PCDHGA12: variants seen among roughly 807,000 people sequenced by gnomAD.
PCDHGA12 encodes the protein protocadherin gamma-A12.
PCDHGA12 carries 43 observed loss-of-function variants against 61.1 expected under a neutral mutation model. The observed-to-expected ratio is 0.70, with a 90% CI of 0.55 to 0.91. The LOEUF (loss-of-function observed/expected upper bound fraction) is 0.91. PCDHGA12 is among the 40% of genes least tolerant of loss of function. The pLI is 0.00. For missense variants in PCDHGA12, 1,236 were observed against 1,227.7 expected (o/e 1.01, Z -0.10); for synonymous variants, 520 against 542.9 (o/e 0.96, Z 0.59).
intron 1 of PCDHGA12, among the ~76,000 whole-genome samples, chr5:141,454,859 G>A (rs2098805080): frequency 7.9e-6 from 1 of 126,982 alleles, no homozygotes; most frequent in African/African-American, 3.1e-5. Flanking sequence ...CCAGGCTGGA[G>A]TGCAGTGGCA....
At position 141,511,124 on chromosome 5, in the gene PCDHGA12, C is replaced by A. The variant is rs752246201; in HGVS notation, c.2750C>A (p.Ala917Glu). The A allele has an allele frequency of 6.2e-7, 1 of 1,614,206 alleles. No homozygotes were observed. The highest frequency in any genetic ancestry group is 8.5e-7 in the Non-Finnish European group (1 of 1,180,022). ...AAGKRDGKAP[A>E]GGNGNKKKSG... The stretch of plus-strand genomic sequence containing the variant: ...GGCAAGCGGGATGGCAAGGCCCCAG[C>A]AGGTGGCAATGGCAACAAGAAGAAG... Residue 917 changes from alanine (A) to glutamate (E), a missense_variant, in exon 4 of 4, where the codon GCA becomes GAA. Coordinates refer to ENST00000252085, the MANE Select transcript of PCDHGA12 (RefSeq NM_003735.3).
intron 1 of PCDHGA12, among the ~76,000 whole-genome samples, chr5:141,450,829 A>AT (rs373424450): frequency 7.2e-4 from 97 of 135,128 alleles, no homozygotes; most frequent in East Asian, 1.8e-3. Flanking sequence ...TATTATTATT[A>AT]TTTTTTTTTT....
chr5:141,449,425 G>T (rs1206395356), intron 1 of PCDHGA12, among the ~76,000 whole-genome samples: 2 of 151,688 alleles, frequency 1.3e-5, no homozygotes, highest in Non-Finnish European at 2.9e-5. Context: ...TGGCCAACAT[G>T]ATAAAACTCC....
Position 141,491,190 on chromosome 5 carries a change from C to A in PCDHGA12, c.2425-3617C>A, listed in dbSNP as rs759736855. On this transcript the variant is annotated intron_variant, in intron 1 of 3. Transcript: ENST00000252085. The surrounding 1 kb of genome is among the most constrained non-coding windows in gnomAD (Gnocchi z 6.9). ...AGCAGGTGGTGGTCCTGGTGAGGGA[C>A]AATGGTGACCCTTCACTCTCCTCCA... 1 of 1,614,192 alleles carries A rather than the reference C, an allele frequency of 6.2e-7. No homozygotes were observed. The highest frequency in any genetic ancestry group is 1.1e-5 in the South Asian group (1 of 91,082).
chr5:141,486,474 C>G lies in PCDHGA12; in HGVS notation c.2425-8333C>G. ...ACTGCTTCTGATGCTGGGAACCCTC[C>G]TCTCAGTACCCACAGAACTATTTTC... On this transcript the variant is annotated intron_variant, in intron 1 of 3. Transcript: ENST00000252085. The surrounding 1 kb of genome is among the most constrained non-coding windows in gnomAD (Gnocchi z 5.0). The G allele has an allele frequency of 6.2e-7, 1 of 1,614,016 alleles. No individual in the cohort carries two copies. Among genetic ancestry groups the G allele is most frequent in the Non-Finnish European group, 8.5e-7 (1 of 1,179,822 alleles).
In PCDHGA12 at chr5:141,431,465, AACG is replaced by A; in HGVS notation, c.709_711del (p.Asp237del). 1.9e-6 allele frequency: 3 copies of A among 1,613,790 alleles called. No homozygotes were observed. The highest frequency in any genetic ancestry group is 2.5e-6 in the Non-Finnish European group (3 of 1,179,970). ...CATCCGCGTGATGGTTCTGGATGCGAACGACAACGCACCAGCGTTTGCTCAGCC... is the reference window on the plus strand; with the variant it reads ...CATCCGCGTGATGGTTCTGGATGCGAACAACGCACCAGCGTTTGCTCAGCC... On this transcript the variant is annotated inframe_deletion, in exon 1 of 4. Transcript: ENST00000252085. The surrounding 1 kb of genome is among the most constrained non-coding windows in gnomAD (Gnocchi z 4.8).
At position 141,487,636 on chromosome 5, in the gene PCDHGA12, A is replaced by G. The variant is rs780468230; in HGVS notation, c.2425-7171A>G. 3 of 1,614,192 alleles carry G rather than the reference A, an allele frequency of 1.9e-6. No homozygotes were observed. Among genetic ancestry groups the G allele is most frequent in the Non-Finnish European group, 1.7e-6 (2 of 1,180,030 alleles). Reference sequence around the variant, plus strand: ...TAGAGGTGAGACCTTTGCAGGCTCAACAAATGCTTGAGGGTTATTCTGATC... The same window carrying G: ...TAGAGGTGAGACCTTTGCAGGCTCAGCAAATGCTTGAGGGTTATTCTGATC... On this transcript the variant is annotated intron_variant, in intron 1 of 3. Transcript: ENST00000252085. This position sits in a 1 kb window ranked among gnomAD's most constrained non-coding sequence, Gnocchi z 5.0.
chr5:141,463,590 A>G (rs975534405), intron 1 of PCDHGA12, among the ~76,000 whole-genome samples: 3 of 151,848 alleles, frequency 2.0e-5, no homozygotes, highest in African/African-American at 7.3e-5. Flanking sequence ...CTGGGACTAC[A>G]GGTGCCTGCC....
intron 1 of PCDHGA12, among the ~76,000 whole-genome samples, chr5:141,455,253 C>T (rs187877877): frequency 6.6e-6 from 1 of 151,986 alleles, no homozygotes; most frequent in East Asian, 1.9e-4. Flanking sequence ...ATAGTACAAT[C>T]GCATTTCTTC....
rs921020435 is a variant in PCDHGA12, at chr5:141,477,853, G to A, written c.2425-16954G>A. 5.0e-6 allele frequency: 8 copies of A among 1,613,344 alleles called. No homozygotes were observed. The East Asian group carries it at 1.6e-4, about 31-fold the overall frequency. On this transcript the variant is annotated intron_variant, in intron 1 of 3. Coordinates refer to ENST00000252085, the MANE Select transcript of PCDHGA12 (RefSeq NM_003735.3). The surrounding 1 kb of genome is among the most constrained non-coding windows in gnomAD (Gnocchi z 4.9). The stretch of plus-strand genomic sequence containing the variant: ...GGCCAGGTGGGAGCTCGGTGGAGAT[G>A]CTGCCTCGAGGTACCTCAGCTGGCC...
intron 1 of PCDHGA12, among the ~76,000 whole-genome samples, chr5:141,439,431 G>A (rs2154558488): frequency 6.6e-6 from 1 of 152,298 alleles, no homozygotes; most frequent in Non-Finnish European, 1.5e-5. Flanking sequence ...AAATTCCCAG[G>A]AATATTTTAT....
chr5:141,431,408 G>T lies in PCDHGA12; in HGVS notation c.649G>T (p.Gly217Trp), dbSNP rs1270461546. Residue 217 changes from glycine to tryptophan, a missense_variant, in exon 1 of 4, where the codon GGG becomes TGG. By Grantham distance (184) the Gly-to-Trp change is radical. Coordinates refer to ENST00000252085, the MANE Select transcript of PCDHGA12 (RefSeq NM_003735.3). The surrounding 1 kb of genome is among the most constrained non-coding windows in gnomAD (Gnocchi z 4.8). ...CCACCTGGTCCTTACGGCCTCCGAC[G>T]GGGGCGACCCGGTGCGCACAGGCAC... ...AHHLVLTASD[G>W]GDPVRTGTAR... is the part of the protein sequence containing the mutation. 4 of 1,613,600 alleles carry T rather than the reference G, an allele frequency of 2.5e-6. No individual in the cohort carries two copies. Among genetic ancestry groups the T allele is most frequent in the Non-Finnish European group, 3.4e-6 (4 of 1,180,038 alleles).
At chr5:141,507,865 T>C (rs2099864402) in intron 3 of PCDHGA12, among the ~76,000 whole-genome samples, 1 of 152,128 alleles carries the variant, frequency 6.6e-6, no homozygotes. Context: ...CACACCCGCT[T>C]CCTAGCCCTG....
intron 1 of PCDHGA12, among the ~76,000 whole-genome samples, chr5:141,469,731 C>A (rs1332201791): frequency 6.6e-6 from 1 of 152,214 alleles, no homozygotes; most frequent in Non-Finnish European, 1.5e-5. Context: ...ATCATAAATA[C>A]ACACCTCAAA....
chr5:141,454,142 C>T (rs2098782408), intron 1 of PCDHGA12, among the ~76,000 whole-genome samples: 1 of 152,222 alleles, frequency 6.6e-6, no homozygotes, highest in Non-Finnish European at 1.5e-5. Context: ...GGAATGTTCA[C>T]ACTGCTACTT....
Position 141,431,054 on chromosome 5 carries a change from G to T in PCDHGA12, c.295G>T (p.Ala99Ser). 6.2e-7 allele frequency: 1 copy of T among 1,614,198 alleles called. No individual in the cohort carries two copies. The highest frequency in any genetic ancestry group is 8.5e-7 in the Non-Finnish European group (1 of 1,180,004). ...AGACCGGGAGGAGCTCTGTATGGGG[G>T]CCATCAAGTGTCAATTAAATCTAGA... ...RIDREELCMG[A>S]IKCQLNLDIL... The change falls in exon 1 of 4, where the codon GCC (alanine) becomes TCC (serine). Residue 99 changes from alanine (A) to serine (S), a missense_variant. Transcript: ENST00000252085. This position sits in a 1 kb window ranked among gnomAD's most constrained non-coding sequence, Gnocchi z 4.8.
At chr5:141,459,490 T>C (rs2098968649) in intron 1 of PCDHGA12, among the ~76,000 whole-genome samples, 1 of 152,236 alleles carries the variant, frequency 6.6e-6, no homozygotes, top group Non-Finnish European at 1.5e-5. Context: ...TATTCTGAAT[T>C]AAAGTGATGT....
At position 141,487,991 on chromosome 5, in the gene PCDHGA12, G is replaced by C. The variant is rs932744807; in HGVS notation, c.2425-6816G>C. ...GCTGTTTTCTCTACTCTTCCTGAAA[G>C]AGGGGATCAGATTCTGAAGTACCTT... On this transcript the variant is annotated intron_variant, in intron 1 of 3. Coordinates refer to ENST00000252085, the MANE Select transcript of PCDHGA12 (RefSeq NM_003735.3). The surrounding 1 kb of genome is among the most constrained non-coding windows in gnomAD (Gnocchi z 5.0). 2.6e-5 allele frequency among the ~76,000 whole-genome samples: 4 copies of C among 152,194 alleles called. No homozygotes were observed. The highest frequency in any genetic ancestry group is 4.4e-5 in the Non-Finnish European group (3 of 68,030).
At chr5:141,499,707 T>G (rs1303008532) in intron 2 of PCDHGA12, among the ~76,000 whole-genome samples, 2 of 150,494 alleles carry the variant, frequency 1.3e-5, no homozygotes, top group African/African-American at 2.5e-5. Flanking sequence ...TTTTTTTTTT[T>G]TTTTGGAGAC....
Sources: gnomAD v4.1 joint callset for allele counts (sites outside exome capture counted in the v4.1 genomes callset) on GRCh38, gnomAD v4.1.1 for gene constraint, Gnocchi (gnomAD v3.1) non-coding constraint, MANE v1.5 for transcripts, NCBI Gene and HGNC (gene_info 2026-07-23, HGNC 2026-07-21) for gene names.